Variants in DOCK3 observed in about 807,000 individuals in gnomAD.
The protein encoded by DOCK3 is dedicator of cytokinesis 3.
A neutral mutation model predicts 265.6 loss-of-function variants in DOCK3; 60 were observed. The observed-to-expected ratio is 0.23, with a 90% CI of 0.18 to 0.28. The LOEUF is 0.28. DOCK3 is among the 10% of genes least tolerant of loss of function. The pLI, the probability that DOCK3 is intolerant of heterozygous loss-of-function variation, is 1.00. For synonymous variants in DOCK3, 881 were observed against 938.0 expected (o/e 0.94, Z 1.11); for missense variants, 1,981 against 2,594.3 (o/e 0.76, Z 5.14).
chr3:51,087,101 G>C (rs1415952294), intron 7 of DOCK3, among the ~76,000 whole-genome samples: 2 of 152,140 alleles, frequency 1.3e-5, no homozygotes, highest in Admixed American at 6.5e-5. Context: ...TTGAGGCAGA[G>C]AGAATTCATC....
chr3:50,910,845 G>A (rs1274330092), intron 4 of DOCK3, among the ~76,000 whole-genome samples: 2 of 152,100 alleles, frequency 1.3e-5, no homozygotes, highest in African/African-American at 4.8e-5. Flanking sequence ...TTGATATCAT[G>A]TTAAAACCAG....
At chr3:51,221,015 CT>C (rs1273484032) in intron 14 of DOCK3, among the ~76,000 whole-genome samples, 2 of 152,012 alleles carry the variant, frequency 1.3e-5, no homozygotes, top group Non-Finnish European at 2.9e-5. Flanking sequence ...TGAGACTACT[CT>C]CAGAAGAAAT....
chr3:51,012,680 A>T (rs577784577), intron 5 of DOCK3, among the ~76,000 whole-genome samples: 1 of 152,024 alleles, frequency 6.6e-6, no homozygotes, highest in Non-Finnish European at 1.5e-5. Flanking sequence ...ATAAGCCCCA[A>T]TGAGATGAAC....
At chr3:50,947,433 G>A (rs979624624) in intron 5 of DOCK3, among the ~76,000 whole-genome samples, 1 of 152,024 alleles carries the variant, frequency 6.6e-6, no homozygotes, top group Admixed American at 6.5e-5. Context: ...GAAAGCATTT[G>A]CAGGAGAAAT....
chr3:51,053,078 G>GATATATATATATATAT lies in DOCK3; in HGVS notation c.316-11341_316-11326dup, dbSNP rs59382660. 1.2e-3 allele frequency among the ~76,000 whole-genome samples: 51 copies of GATATATATATATATAT among 43,774 alleles called. 2 individuals carry two copies. Among genetic ancestry groups the GATATATATATATATAT allele is most frequent in the East Asian group, 3.4e-3 (1 of 294 alleles). The allele number at this position is 43,774 out of a possible 152,430, so 28.7% of individuals were successfully genotyped here. A position where few individuals can be genotyped will look rare whatever the true frequency, so the allele number is the denominator to read the frequency against. ...AGTTTCATCTTTTAAAAAAGTCAAA[G>GATATATATATATATAT]ATATATATATATATATATATATATA... On this transcript the variant is annotated intron_variant, in intron 5 of 52. Coordinates refer to ENST00000266037, the MANE Select transcript of DOCK3 (RefSeq NM_004947.5).
chr3:50,690,587 TGGC>T (rs1402317631), intron 1 of DOCK3, among the ~76,000 whole-genome samples: 1 of 152,178 alleles, frequency 6.6e-6, no homozygotes, highest in Non-Finnish European at 1.5e-5. Flanking sequence ...CCCCAACCCC[TGGC>T]AACTACTGTT....
intron 10 of DOCK3, among the ~76,000 whole-genome samples, chr3:51,158,379 C>G (rs1475667566): frequency 6.6e-6 from 1 of 152,040 alleles, no homozygotes; most frequent in Non-Finnish European, 1.5e-5. Context: ...GACCCCATCT[C>G]TACAAATAAT....
At chr3:50,952,947 G>A (rs1205226773) in intron 5 of DOCK3, among the ~76,000 whole-genome samples, 3 of 152,080 alleles carry the variant, frequency 2.0e-5, no homozygotes, top group Non-Finnish European at 4.4e-5. Flanking sequence ...AGTACTGAAG[G>A]TTAATGAAAC....
rs563921868 is a variant in DOCK3, at chr3:50,967,718, C to T, written c.315+33641C>T. ...ATGAGTGCCCTGTGAAGGAGGGAGT[C>T]CCTTATAAAACCGTCAGATCTCTTG... On this transcript the variant is annotated intron_variant, in intron 5 of 52. Transcript: ENST00000266037. Among the ~76,000 whole-genome samples, 9 of 152,198 alleles carry T rather than the reference C, an allele frequency of 5.9e-5. No individual in the cohort carries two copies. The South Asian group carries it at 1.9e-3, about 32-fold the overall frequency.
intron 2 of DOCK3, among the ~76,000 whole-genome samples, chr3:50,810,343 G>C (rs1218123547): frequency 4.6e-5 from 7 of 152,102 alleles, no homozygotes; most frequent in Admixed American, 2.6e-4. Flanking sequence ...TTGAGGTCAG[G>C]AGTTTGAGAC....
chr3:51,058,099 G>T (rs1471323094), intron 5 of DOCK3, among the ~76,000 whole-genome samples: 2 of 152,116 alleles, frequency 1.3e-5, no homozygotes, highest in East Asian at 3.8e-4. Context: ...AGGCTCAGCT[G>T]GGCTAGGTAT....
chr3:50,824,803 G>A (rs1340917296), intron 2 of DOCK3, among the ~76,000 whole-genome samples: 3 of 152,098 alleles, frequency 2.0e-5, no homozygotes, highest in Non-Finnish European at 2.9e-5. Flanking sequence ...TTTGAGCTAC[G>A]ACTAGGAAGA....
chr3:51,280,980 C>G (rs2081080204), intron 27 of DOCK3, among the ~76,000 whole-genome samples: 1 of 152,068 alleles, frequency 6.6e-6, no homozygotes, highest in South Asian at 2.1e-4. Flanking sequence ...TTTCCTCTTT[C>G]TATGGAAAAT....
intron 9 of DOCK3, among the ~76,000 whole-genome samples, chr3:51,099,698 G>A (rs961794009): frequency 1.3e-5 from 2 of 152,152 alleles, no homozygotes; most frequent in Admixed American, 1.3e-4. Flanking sequence ...TAGTAATATG[G>A]CAGTGGATAA....
At chr3:50,695,249 T>G (rs548048321) in intron 1 of DOCK3, among the ~76,000 whole-genome samples, 1 of 152,256 alleles carries the variant, frequency 6.6e-6, no homozygotes, top group Non-Finnish European at 1.5e-5. Context: ...TTAATACTTA[T>G]GCATGTATAA....
At chr3:50,783,662 C>T (rs1029062537) in intron 2 of DOCK3, among the ~76,000 whole-genome samples, 5 of 152,060 alleles carry the variant, frequency 3.3e-5, no homozygotes, top group Admixed American at 3.3e-4. Context: ...TCTGTTTACT[C>T]TGCTGATTAT....
chr3:50,705,890 G>A (rs942368165), intron 1 of DOCK3, among the ~76,000 whole-genome samples: 1 of 152,120 alleles, frequency 6.6e-6, no homozygotes, highest in Non-Finnish European at 1.5e-5. Flanking sequence ...CATTAGCTGG[G>A]TGTGTTAGTG....
intron 12 of DOCK3, among the ~76,000 whole-genome samples, chr3:51,165,095 C>T (rs765535994): frequency 5.3e-5 from 8 of 152,026 alleles, no homozygotes; most frequent in Non-Finnish European, 1.0e-4. Flanking sequence ...CTCGCTGCCA[C>T]GCCCGGCTAA....
chr3:51,276,475 G>A (rs1291396100), intron 25 of DOCK3: 12 of 976,664 alleles, frequency 1.2e-5, no homozygotes, highest in Non-Finnish European at 1.2e-5. Context: ...GTTTGGTTGT[G>A]TTTGTGGGGC....
Sources: gnomAD v4.1 joint callset for allele counts (sites outside exome capture counted in the v4.1 genomes callset) on GRCh38, gnomAD v4.1.1 for gene constraint, MANE v1.5 for transcripts, NCBI Gene and HGNC (gene_info 2026-07-23, HGNC 2026-07-21) for gene names.